Variants in NUP98 observed in about 807,000 individuals in gnomAD.
The protein encoded by NUP98 is nucleoporin 98 and 96 precursor.
A neutral mutation model predicts 191.9 loss-of-function variants in NUP98; 26 were observed. The ratio of observed to expected loss-of-function variants is 0.14; its 90% confidence interval spans 0.10 to 0.19. NUP98 has a LOEUF of 0.19. Among genes scored for constraint, NUP98 ranks in the 10% least tolerant of loss-of-function variants. The pLI, the probability that NUP98 is intolerant of heterozygous loss-of-function variation, is 1.00. For missense variants in NUP98, 1,941 were observed against 2,178.8 expected, an observed-to-expected ratio of 0.89 and a Z score of 2.17; for synonymous variants, 808 against 778.4, an observed-to-expected ratio of 1.04 and a Z score of -0.63.
At chr11:3,701,855 T>G (rs1349080067) in intron 23 of NUP98, among the ~76,000 whole-genome samples, 1 of 151,798 alleles carries the variant, frequency 6.6e-6, no homozygotes, top group African/African-American at 2.4e-5. Flanking sequence ...CCAGCTAATT[T>G]TTTTTGTATT....
In NUP98 at chr11:3,679,648, G is replaced by C. The variant is rs1287993169; in HGVS notation, c.4979C>G (p.Pro1660Arg). 4.3e-6 allele frequency: 7 copies of C among 1,614,168 alleles called. No homozygotes were observed. The highest frequency in any genetic ancestry group is 5.1e-6 in the Non-Finnish European group (6 of 1,180,012). ...LKGFLEDLAPPERSSLIQDWE... is the reference protein window; with the variant it reads ...LKGFLEDLAPRERSSLIQDWE... ...ATCCTGAATTAGGCTGCTGCGCTCT[G>C]GAGGTGCCAGGTCTTCCAAGAACCC... The change falls in exon 31 of 33, where the codon CCA (proline) becomes CGA (arginine). Residue 1660 changes from proline to arginine, a missense_variant. Physicochemically the swap from Pro to Arg is moderately radical, Grantham distance 103. Around this residue, in one of 6 missense-constraint regions of NUP98, gnomAD observed 1,030 missense variants for 1,115.8 expected, o/e 0.92. Coordinates refer to ENST00000324932, the MANE Select transcript of NUP98 (RefSeq NM_016320.5).
chr11:3,772,418 C>G (rs912592565), intron 6 of NUP98, among the ~76,000 whole-genome samples: 7 of 152,200 alleles, frequency 4.6e-5, no homozygotes, highest in African/African-American at 1.7e-4. Flanking sequence ...TCATGAATGA[C>G]TATCAAAATG....
At chr11:3,690,441 T>C (rs1211803255) in intron 28 of NUP98, among the ~76,000 whole-genome samples, 1 of 151,972 alleles carries the variant, frequency 6.6e-6, no homozygotes, top group Non-Finnish European at 1.5e-5. Context: ...TTTGTATTTT[T>C]AGTAGAGACA....
Position 3,699,185 on chromosome 11 carries a change from T to G in NUP98, c.3906A>C (p.Glu1302Asp), listed in dbSNP as rs1167780127. 1.2e-6 allele frequency: 2 copies of G among 1,614,156 alleles called. No individual in the cohort carries two copies. The highest frequency in any genetic ancestry group is 2.2e-5 in the South Asian group (2 of 91,080). ...WLSCTATPQIEEEVSLTQKNS... is the reference protein window; with the variant it reads ...WLSCTATPQIDEEVSLTQKNS... ...TTTTTTGGGTTAAGGAGACTTCCTC[T>G]TCAATCTGAGGTGTGGCAGTACAGG... The change falls in exon 25 of 33, where the codon GAA (glutamate) becomes GAC (aspartate). Residue 1302 changes from glutamate to aspartate, a missense_variant. By Grantham distance (45) the Glu-to-Asp change is conservative (BLOSUM62 2). Around this residue, in one of 6 missense-constraint regions of NUP98, gnomAD observed 1,030 missense variants for 1,115.8 expected, o/e 0.92. Coordinates refer to ENST00000324932, the MANE Select transcript of NUP98 (RefSeq NM_016320.5).
At chr11:3,678,504 T>C (rs904025463) in intron 31 of NUP98, among the ~76,000 whole-genome samples, 1 of 152,184 alleles carries the variant, frequency 6.6e-6, no homozygotes, top group Admixed American at 6.5e-5. Flanking sequence ...GTACTAAGTA[T>C]CTTGGTAGTA....
chr11:3,741,552 C>A (rs1225559008), intron 12 of NUP98, among the ~76,000 whole-genome samples: 1 of 151,778 alleles, frequency 6.6e-6, no homozygotes, highest in Non-Finnish European at 1.5e-5. Flanking sequence ...ATCCAGGAGG[C>A]GGATATAGAA....
At position 3,740,885 on chromosome 11, in the gene NUP98, G is replaced by A. The variant is rs921839212; in HGVS notation, c.1408+3624C>T. Among the ~76,000 whole-genome samples, 9 of 150,980 alleles carry A rather than the reference G, an allele frequency of 6.0e-5. No individual in the cohort carries two copies. In the East Asian group the frequency reaches 9.7e-4, roughly 16 times the overall value. ...CCAGGCTGGAGTGTAGCGGCGTGAC[G>A]TCGGCTCGGTGCAACTTCCGCCTCC... On this transcript the variant is annotated intron_variant, in intron 12 of 32. Coordinates refer to ENST00000324932, the MANE Select transcript of NUP98 (RefSeq NM_016320.5).
chr11:3,733,225 T>C (rs2079911420), intron 13 of NUP98, among the ~76,000 whole-genome samples: 1 of 151,622 alleles, frequency 6.6e-6, no homozygotes, highest in Non-Finnish European at 1.5e-5. Flanking sequence ...ATGAAGCTGC[T>C]TTCTTTCTTA....
chr11:3,677,891 A>G (rs189883172), intron 31 of NUP98, among the ~76,000 whole-genome samples: 16 of 152,360 alleles, frequency 1.1e-4, no homozygotes, highest in East Asian at 9.6e-4. Flanking sequence ...ATAATAATAG[A>G]TAACAATTAT....
At chr11:3,728,782 A>G (rs1268090490) in intron 14 of NUP98, among the ~76,000 whole-genome samples, 1 of 152,144 alleles carries the variant, frequency 6.6e-6, no homozygotes, top group Non-Finnish European at 1.5e-5. Context: ...AGAACTGAAG[A>G]GTATATTGTG....
intron 27 of NUP98, 131 bp downstream of exon 27, chr11:3,693,101 C>A (rs2078370230): frequency 2.4e-6 from 2 of 845,120 alleles, no homozygotes; most frequent in Non-Finnish European, 3.7e-6. Context: ...AAAACAGACA[C>A]TTGGGGAAGT....
At chr11:3,779,365 T>G in intron 2 of NUP98, 108 bp from the exon 3 acceptor site, 8 of 966,874 alleles carry the variant, frequency 8.3e-6, no homozygotes, top group Non-Finnish European at 1.3e-5. Context: ...TTTGAGGCTG[T>G]GCATGGTGGC....
chr11:3,742,377 C>A (rs1281326564), intron 12 of NUP98, among the ~76,000 whole-genome samples: 1 of 152,046 alleles, frequency 6.6e-6, no homozygotes, highest in East Asian at 1.9e-4. Context: ...AGTTACAGGA[C>A]AGAAAATATT....
At chr11:3,796,040 T>A (rs751687070) in intron 1 of NUP98, among the ~76,000 whole-genome samples, 2 of 152,202 alleles carry the variant, frequency 1.3e-5, no homozygotes, top group Non-Finnish European at 2.9e-5. Context: ...TAGTTTTGGT[T>A]TTTAAATACC....
intron 28 of NUP98, among the ~76,000 whole-genome samples, chr11:3,689,620 A>G (rs1051503519): frequency 3.9e-5 from 6 of 151,946 alleles, no homozygotes; most frequent in Non-Finnish European, 7.4e-5. Context: ...TTATTGTTGG[A>G]CACCTAAACC....
rs1361596149 is a variant in NUP98, at chr11:3,786,605, G to A, written c.-28-4460C>T. On this transcript the variant is annotated intron_variant, in intron 1 of 32. Coordinates refer to ENST00000324932, the MANE Select transcript of NUP98 (RefSeq NM_016320.5). The stretch of plus-strand genomic sequence containing the variant: ...TAATTCAGATTCTCAGATACAAGAA[G>A]TAGCCTTATAATACACCCAGTAGTC... 2.6e-5 allele frequency among the ~76,000 whole-genome samples: 4 copies of A among 152,152 alleles called. No homozygotes were observed. In the East Asian group the frequency reaches 7.7e-4, roughly 29 times the overall value.
intron 12 of NUP98, among the ~76,000 whole-genome samples, chr11:3,738,985 C>A (rs549778854): frequency 6.6e-6 from 1 of 152,150 alleles, no homozygotes; most frequent in Non-Finnish European, 1.5e-5. Context: ...ACAAGGCACA[C>A]TCACATAGTT....
chr11:3,741,010 T>C (rs2080264680), intron 12 of NUP98, among the ~76,000 whole-genome samples: 1 of 151,642 alleles, frequency 6.6e-6, no homozygotes, highest in Non-Finnish European at 1.5e-5. Flanking sequence ...GTAGACATCA[T>C]GGGGTTTTGC....
chr11:3,702,672 G>T lies in NUP98; in HGVS notation c.3303C>A (p.Val1101=). The part of the protein sequence containing the change: ...TVGTRRQLGL[V]PREKSVTYGK... ...CATAGGTGACAGACTTTTCACGAGG[G>T]ACTAGGCCTAGTTGCCTACGTGTAC... is the stretch of plus-strand genomic sequence containing the variant. The change falls in exon 23 of 33, where the codon GTC becomes GTA. Residue 1101 remains valine, a synonymous_variant. Transcript: ENST00000324932. 1 of 1,614,154 alleles carries T rather than the reference G, an allele frequency of 6.2e-7. No homozygotes were observed.
Sources: allele counts gnomAD v4.1 joint callset (sites outside exome capture counted in the v4.1 genomes callset), GRCh38; gene constraint gnomAD v4.1.1; regional missense constraint gnomAD v4.1.1; transcripts MANE v1.5; gene names NCBI Gene and HGNC (gene_info 2026-07-23, HGNC 2026-07-21).